Variants in CAMTA1 observed in about 807,000 individuals in gnomAD.
CAMTA1 encodes the protein calmodulin-binding transcription activator 1.
Under a neutral mutation model 170.9 loss-of-function variants are expected in CAMTA1, and 27 were observed. That is an observed-to-expected ratio of 0.16 (90% CI 0.12 to 0.22). The LOEUF is 0.22. Ranked by LOEUF, CAMTA1 falls within the 10% of genes least tolerant of loss-of-function variation. The pLI, the probability that CAMTA1 is intolerant of heterozygous loss-of-function variation, is 1.00. For synonymous variants in CAMTA1, 833 were observed against 891.5 expected, an observed-to-expected ratio of 0.93 and a Z score of 1.17; for missense variants, 1,619 against 2,217.2, an observed-to-expected ratio of 0.73 and a Z score of 5.42.
intron 3 of CAMTA1, among the ~76,000 whole-genome samples, chr1:7,013,209 C>CTTCTTT (rs1304575208): frequency 5.9e-5 from 5 of 84,204 alleles, no homozygotes; most frequent in African/African-American, 2.7e-4. Flanking sequence ...TGCCCTTCTT[C>CTTCTTT]TTTTTTTTTT....
rs1403590366 is a variant in CAMTA1, at chr1:7,736,773, C to G, written c.3264-158C>G. ...CTTGTCATTTTCTTTGGACCCCTAG[C>G]CAAATGGAGCGTCCACACTGCCCTG... On this transcript the variant is annotated intron_variant, in intron 13 of 22. Transcript: ENST00000303635. This position sits in a 1 kb window ranked among gnomAD's most constrained non-coding sequence, Gnocchi z 4.5. Among the ~76,000 whole-genome samples the G allele has an allele frequency of 1.3e-5, 2 of 152,098 alleles. No individual in the cohort carries two copies. Among genetic ancestry groups the G allele is most frequent in the African/African-American group, 4.8e-5 (2 of 41,410 alleles).
Position 7,435,169 on chromosome 1 carries a change from C to T in CAMTA1, c.439-32661C>T, listed in dbSNP as rs927196588. ...GGAGGAGCTCTCATGGCTTTCTCAC[C>T]TCTTACAGACCCCACCTCTTAAAAC... On this transcript the variant is annotated intron_variant, in intron 5 of 22. Coordinates refer to ENST00000303635, the MANE Select transcript of CAMTA1 (RefSeq NM_015215.4). This position sits in a 1 kb window ranked among gnomAD's most constrained non-coding sequence, Gnocchi z 4.4. Among the ~76,000 whole-genome samples the T allele has an allele frequency of 6.6e-6, 1 of 152,330 alleles. No homozygotes were observed. The highest frequency in any genetic ancestry group is 6.5e-5 in the Admixed American group (1 of 15,306).
chr1:6,946,855 T>C lies in CAMTA1; in HGVS notation c.234+121645T>C, dbSNP rs117301009. Among the ~76,000 whole-genome samples the C allele has an allele frequency of 1.3e-3, 205 of 152,350 alleles. 6 individuals are homozygous for C. In the East Asian group the frequency reaches 0.037, roughly 28 times the overall value. The stretch of plus-strand genomic sequence containing the variant: ...TTAGTTTTTCTTTTGCTGTTTGTGC[T>C]TTTGGTGTTATAACTAAGAAACCAT... On this transcript the variant is annotated intron_variant, in intron 3 of 22. Transcript: ENST00000303635.
Position 7,642,145 on chromosome 1 carries a change from C to A in CAMTA1, c.664+1592C>A, listed in dbSNP as rs143859758. On this transcript the variant is annotated intron_variant, in intron 7 of 22. Coordinates refer to ENST00000303635, the MANE Select transcript of CAMTA1 (RefSeq NM_015215.4). The surrounding 1 kb of genome is among the most constrained non-coding windows in gnomAD (Gnocchi z 6.3). ...GGCCTTCACACCCCTGTGCCCTGGC[C>A]TCCTCGAGCCCCCACGGGGGAGATG... Among the ~76,000 whole-genome samples the A allele has an allele frequency of 6.6e-6, 1 of 152,170 alleles. No homozygotes were observed. The highest frequency in any genetic ancestry group is 2.4e-5 in the African/African-American group (1 of 41,426).
chr1:6,880,328 A>G (rs1671152593), intron 3 of CAMTA1, among the ~76,000 whole-genome samples: 1 of 143,446 alleles, frequency 7.0e-6, no homozygotes, highest in South Asian at 2.2e-4. Context: ...TCCTGTCTCA[A>G]CCTCCCAACG....
chr1:6,897,309 A>T (rs1398614777), intron 3 of CAMTA1, among the ~76,000 whole-genome samples: 1 of 152,214 alleles, frequency 6.6e-6, no homozygotes, highest in African/African-American at 2.4e-5. Flanking sequence ...TGCAAGAAGC[A>T]TGTAAGCACA....
chr1:7,522,311 T>C (rs1010986466), intron 6 of CAMTA1, among the ~76,000 whole-genome samples: 1 of 152,236 alleles, frequency 6.6e-6, no homozygotes, highest in African/African-American at 2.4e-5. Context: ...GAGATATCTC[T>C]ATGTGTCTTT....
chr1:7,460,550 C>T (rs1340193296), intron 5 of CAMTA1, among the ~76,000 whole-genome samples: 5 of 151,900 alleles, frequency 3.3e-5, no homozygotes, highest in South Asian at 2.1e-4. Context: ...GTCCAAGCTA[C>T]GGCCCAGCTG....
At chr1:7,027,893 TTTTTCTTTTTC>T (rs1235367908) in intron 3 of CAMTA1, among the ~76,000 whole-genome samples, 1 of 149,874 alleles carries the variant, frequency 6.7e-6, no homozygotes, top group Non-Finnish European at 1.5e-5. Flanking sequence ...ATATTATTTC[TTTTTCTTTTTC>T]TTTTCTTTTT....
chr1:7,626,734 A>C (rs1418126876), intron 6 of CAMTA1, among the ~76,000 whole-genome samples: 1 of 152,184 alleles, frequency 6.6e-6, no homozygotes, highest in African/African-American at 2.4e-5. Context: ...CGTTCAACTC[A>C]GAGTCTCTCT....
chr1:6,994,161 A>G (rs866125997), intron 3 of CAMTA1, among the ~76,000 whole-genome samples: 1 of 152,176 alleles, frequency 6.6e-6, no homozygotes, highest in African/African-American at 2.4e-5. Flanking sequence ...TATATATGCT[A>G]TAAGCCCCAT....
At chr1:7,049,643 G>A (rs1363979711) in intron 3 of CAMTA1, among the ~76,000 whole-genome samples, 1 of 152,152 alleles carries the variant, frequency 6.6e-6, no homozygotes, top group African/African-American at 2.4e-5. Context: ...TTTTACTAGA[G>A]ATGAGGTTTC....
chr1:7,561,152 G>C lies in CAMTA1; in HGVS notation c.511-79248G>C, dbSNP rs531427772. Among the ~76,000 whole-genome samples, 3 of 152,276 alleles carry C rather than the reference G, an allele frequency of 2.0e-5. No individual in the cohort carries two copies. The highest frequency in any genetic ancestry group is 1.3e-4 in the Admixed American group (2 of 15,304). ...AGGCATGGCCAGGGGCTGGCCGAGG[G>C]GGGCCGGTGGGTGGTGAATGAAGGG... On this transcript the variant is annotated intron_variant, in intron 6 of 22. Transcript: ENST00000303635. This position sits in a 1 kb window ranked among gnomAD's most constrained non-coding sequence, Gnocchi z 5.3.
chr1:6,906,319 C>G (rs1234135115), intron 3 of CAMTA1, among the ~76,000 whole-genome samples: 1 of 152,128 alleles, frequency 6.6e-6, no homozygotes, highest in African/African-American at 2.4e-5. Flanking sequence ...ATACTGAGCC[C>G]AGTGCATTTG....
intron 6 of CAMTA1, among the ~76,000 whole-genome samples, chr1:7,615,751 G>T (rs1178671276): frequency 6.6e-6 from 1 of 152,222 alleles, no homozygotes; most frequent in East Asian, 1.9e-4. Context: ...GAGGTACCAG[G>T]GAGGAGGCAG....
chr1:7,634,844 C>A lies in CAMTA1; in HGVS notation c.511-5556C>A, dbSNP rs978649598. ...AGAGCGGGGCCTCTGTCTCTCCTGA[C>A]GACATTCCAGCTGTTCCGAGGCCTG... On this transcript the variant is annotated intron_variant, in intron 6 of 22. Coordinates refer to ENST00000303635, the MANE Select transcript of CAMTA1 (RefSeq NM_015215.4). The surrounding 1 kb of genome is among the most constrained non-coding windows in gnomAD (Gnocchi z 6.2). Among the ~76,000 whole-genome samples, 3 of 152,110 alleles carry A rather than the reference C, an allele frequency of 2.0e-5. No individual in the cohort carries two copies. Among genetic ancestry groups the A allele is most frequent in the Non-Finnish European group, 4.4e-5 (3 of 68,008 alleles).
At chr1:6,791,067 C>A (rs1218943564) in intron 1 of CAMTA1, among the ~76,000 whole-genome samples, 1 of 145,508 alleles carries the variant, frequency 6.9e-6, no homozygotes, top group Non-Finnish European at 1.5e-5. Context: ...TTATACAGAT[C>A]TTTTCCTAAG....
rs1015245301 is a variant in CAMTA1 at position 7,674,640 on chromosome 1, G to A, written c.2780-2959G>A. 1.3e-5 allele frequency among the ~76,000 whole-genome samples: 2 copies of A among 152,080 alleles called. No homozygotes were observed. The highest frequency in any genetic ancestry group is 2.4e-5 in the African/African-American group (1 of 41,422). ...CTAAAAATACAAAAATTAGCTGGGCGTGGTGGCAGGCACCTGTAAGCTAGT... is the reference window on the plus strand; with the variant it reads ...CTAAAAATACAAAAATTAGCTGGGCATGGTGGCAGGCACCTGTAAGCTAGT... On this transcript the variant is annotated intron_variant, in intron 10 of 22. Coordinates refer to ENST00000303635, the MANE Select transcript of CAMTA1 (RefSeq NM_015215.4). The surrounding 1 kb of genome is among the most constrained non-coding windows in gnomAD (Gnocchi z 4.1).
chr1:7,076,217 C>T (rs1383677821), intron 3 of CAMTA1, among the ~76,000 whole-genome samples: 2 of 152,100 alleles, frequency 1.3e-5, no homozygotes, highest in Admixed American at 6.5e-5. Flanking sequence ...AGAAGGGCCT[C>T]GTTTTATTGG....
Sources: gnomAD v4.1 joint callset for allele counts (sites outside exome capture counted in the v4.1 genomes callset) on GRCh38, gnomAD v4.1.1 for gene constraint, Gnocchi (gnomAD v3.1) non-coding constraint, MANE v1.5 for transcripts, NCBI Gene and HGNC (gene_info 2026-07-23, HGNC 2026-07-21) for gene names.